FABP7: variants seen among roughly 807,000 people sequenced by gnomAD.
FABP7 encodes the protein fatty acid binding protein 7.
Under a neutral mutation model 14.2 loss-of-function variants are expected in FABP7, and 13 were observed. The ratio of observed to expected loss-of-function variants is 0.91; its 90% CI spans 0.59 to 1.45. The LOEUF is 1.45. Among genes scored for constraint, FABP7 ranks in the 40% most tolerant of loss-of-function variants. The pLI is 0.00. For missense variants in FABP7, 149 were observed against 157.6 expected (o/e 0.95, Z 0.29); for synonymous variants, 49 against 51.4 (o/e 0.95, Z 0.20).
chr6:122,758,741 T>A, the FABP7 span, among the ~76,000 whole-genome samples: 6 of 152,216 alleles, frequency 3.9e-5, no homozygotes, highest in Non-Finnish European at 7.3e-5. Context: ...ATATTACTTA[T>A]GTCATCTTCA....
chr6:122,780,836 G>A (rs371894072), intron 2 of FABP7, among the ~76,000 whole-genome samples: 9 of 152,118 alleles, frequency 5.9e-5, no homozygotes, highest in African/African-American at 2.2e-4. Flanking sequence ...TTAGAGGGAC[G>A]ACTAGCTGCA....
At chr6:122,754,233 TCA>T in the FABP7 span, among the ~76,000 whole-genome samples, 645 of 152,322 alleles carry the variant, frequency 4.2e-3, 4 homozygotes, top group South Asian at 0.012. Flanking sequence ...CTAATCTTTT[TCA>T]ATCCTAGATA....
intron 3 of FABP7, chr6:122,781,534 C>A: frequency 5.4e-6 from 7 of 1,308,132 alleles, no homozygotes; most frequent in Non-Finnish European, 6.8e-6. Flanking sequence ...AATATAAAGC[C>A]CATAATCACT....
the FABP7 span, among the ~76,000 whole-genome samples, chr6:122,773,438 C>G: frequency 1.0e-3 from 157 of 152,260 alleles, no homozygotes; most frequent in African/African-American, 3.6e-3. Flanking sequence ...TAAATCTATA[C>G]TGTCACCTGT....
At chr6:122,764,443 C>T in the FABP7 span, among the ~76,000 whole-genome samples, 15 of 151,796 alleles carry the variant, frequency 9.9e-5, no homozygotes, top group Admixed American at 4.6e-4. Flanking sequence ...ATGTAAATGA[C>T]GAGTTAATGG....
At chr6:122,782,280 T>A in intron 3 of FABP7, 1 of 830,258 alleles carries the variant, frequency 1.2e-6, no homozygotes, top group Non-Finnish European at 1.5e-6. Flanking sequence ...AAATGAATTT[T>A]CTCAGTTCTG....
At chr6:122,773,713 A>G in the FABP7 span, among the ~76,000 whole-genome samples, 3 of 152,168 alleles carry the variant, frequency 2.0e-5, no homozygotes, top group Non-Finnish European at 4.4e-5. Context: ...TAATGTCATA[A>G]CCTTGGTTAA....
chr6:122,775,448 T>C (rs1387863837), upstream of FABP7, among the ~76,000 whole-genome samples: 2 of 152,156 alleles, frequency 1.3e-5, no homozygotes, highest in Non-Finnish European at 2.9e-5. Flanking sequence ...TTGGAAAAAC[T>C]GGATAACCAC....
At chr6:122,750,740 T>C in the FABP7 span, among the ~76,000 whole-genome samples, 17 of 152,338 alleles carry the variant, frequency 1.1e-4, no homozygotes, top group African/African-American at 3.8e-4. Flanking sequence ...CGGAATGTTG[T>C]GTGATAATTT....
At chr6:122,766,441 A>T in the FABP7 span, among the ~76,000 whole-genome samples, 1 of 152,108 alleles carries the variant, frequency 6.6e-6, no homozygotes, top group Admixed American at 6.6e-5. Flanking sequence ...CCAAGGAAAG[A>T]TATATTGCCA....
chr6:122,755,351 G>A, the FABP7 span, among the ~76,000 whole-genome samples: 425 of 151,406 alleles, frequency 2.8e-3, 9 homozygotes, highest in Non-Finnish European at 1.5e-3. Context: ...TTATAATATA[G>A]TATGAACTAT....
At chr6:122,753,340 C>T in the FABP7 span, among the ~76,000 whole-genome samples, 1 of 152,214 alleles carries the variant, frequency 6.6e-6, no homozygotes, top group Non-Finnish European at 1.5e-5. Flanking sequence ...TTACAAGGCT[C>T]TGCTGCCTCT....
At chr6:122,764,687 T>C in the FABP7 span, among the ~76,000 whole-genome samples, 1 of 152,180 alleles carries the variant, frequency 6.6e-6, no homozygotes, top group East Asian at 1.9e-4. Flanking sequence ...GAACATGGCT[T>C]ATGAAACTGA....
At chr6:122,767,643 G>A in the FABP7 span, among the ~76,000 whole-genome samples, 1 of 151,852 alleles carries the variant, frequency 6.6e-6, no homozygotes, top group Non-Finnish European at 1.5e-5. Flanking sequence ...AGGCATAGTG[G>A]CTAATGCCTG....
At chr6:122,756,670 G>A in the FABP7 span, among the ~76,000 whole-genome samples, 3 of 152,134 alleles carry the variant, frequency 2.0e-5, no homozygotes, top group African/African-American at 2.4e-5. Flanking sequence ...AATACATCCC[G>A]TTTGTCTCTT....
At chr6:122,766,740 C>T in the FABP7 span, among the ~76,000 whole-genome samples, 4 of 151,916 alleles carry the variant, frequency 2.6e-5, no homozygotes, top group South Asian at 6.2e-4. Context: ...AATGAGACAA[C>T]AATACACAGT....
chr6:122,782,393 G>C (rs914496485), intron 3 of FABP7: 1 of 569,746 alleles, frequency 1.8e-6, no homozygotes, highest in Non-Finnish European at 2.2e-6. Flanking sequence ...GGCAATCATT[G>C]AGGTTGTTGG....
the FABP7 span, among the ~76,000 whole-genome samples, chr6:122,765,855 T>G: frequency 6.6e-6 from 1 of 152,068 alleles, no homozygotes; most frequent in Non-Finnish European, 1.5e-5. Flanking sequence ...TCTTTTTGCT[T>G]TGATCATTTT....
chr6:122,781,611 A>G (rs1315028585), intron 3 of FABP7: 2 of 1,141,828 alleles, frequency 1.8e-6, no homozygotes, highest in Non-Finnish European at 2.2e-6. Context: ...CTCCTGTAAT[A>G]AGAGATCTTT....
Sources: gnomAD v4.1 joint callset for allele counts (sites outside exome capture counted in the v4.1 genomes callset) on GRCh38, gnomAD v4.1.1 for gene constraint, MANE v1.5 for transcripts, NCBI Gene and HGNC (gene_info 2026-07-23, HGNC 2026-07-21) for gene names.